SLC18A3: variants seen among roughly 807,000 people sequenced by gnomAD.
The protein encoded by SLC18A3 is solute carrier family 18 member A3.
Under a neutral mutation model 24.2 loss-of-function variants are expected in SLC18A3, and 18 were observed. The ratio of observed to expected loss-of-function variants is 0.74; its 90% confidence interval spans 0.51 to 1.10. The LOEUF (loss-of-function observed/expected upper bound fraction) is 1.10, where lower values mean the gene tolerates loss of function less well. Ranked by LOEUF, SLC18A3 falls within the 50% of genes least tolerant of loss-of-function variation. The probability of loss-of-function intolerance (pLI) is 0.00; values close to 1 mark genes in which losing one functional copy is unlikely to be tolerated. For missense variants in SLC18A3, 744 were observed against 750.7 expected (o/e 0.99, Z 0.10); for synonymous variants, 415 against 355.4 (o/e 1.17, Z -1.89).
At position 49,611,610 on chromosome 10, in the gene SLC18A3, C is replaced by T. The variant is rs768070437; in HGVS notation, c.870C>T (p.Tyr290=). The change falls in exon 1 of 1, where the codon TAC becomes TAT. Residue 290 remains tyrosine (Y), a synonymous_variant. Coordinates refer to ENST00000374115, the MANE Select transcript of SLC18A3 (RefSeq NM_003055.3). ...TPIHRLMLDP[Y]IAVVAGALTT... ...TCCACCGCCTCATGCTAGACCCCTA[C>T]ATTGCCGTGGTGGCCGGCGCGCTCA... is the stretch of plus-strand genomic sequence containing the variant. 1.9e-6 allele frequency: 3 copies of T among 1,611,194 alleles called. No homozygotes were observed. The highest frequency in any genetic ancestry group is 2.7e-5 in the African/African-American group (2 of 74,936).
In SLC18A3 at chr10:49,611,031, C is replaced by A. The variant is rs1209900185; in HGVS notation, c.291C>A (p.Thr97=). ...PANASAYTAN[T]SASPTAAWPA... ...ATGCCAGCGCCTACACGGCCAACAC[C>A]TCGGCGTCCCCGACAGCTGCGTGGC... Residue 97 remains threonine (T), a synonymous_variant, in exon 1 of 1, where the codon ACC becomes ACA. Coordinates refer to ENST00000374115, the MANE Select transcript of SLC18A3 (RefSeq NM_003055.3). 3 of 1,613,972 alleles carry A rather than the reference C, an allele frequency of 1.9e-6. No individual in the cohort carries two copies. The South Asian group carries it at 3.3e-5, about 18-fold the overall frequency.
At position 49,611,270 on chromosome 10, in the gene SLC18A3, C is replaced by T. The variant is rs144777033; in HGVS notation, c.530C>T (p.Thr177Met). Reference protein sequence around the residue: ...VLFAFAEDYATLFAARSLQGL... With the variant: ...VLFAFAEDYAMLFAARSLQGL... ...TTCGCCTTCGCCGAGGACTACGCCA[C>T]GCTGTTCGCGGCGCGCAGCCTGCAG... Residue 177 changes from threonine (T) to methionine (M), a missense_variant, in exon 1 of 1, where the codon ACG becomes ATG. This residue lies in a region of SLC18A3 where 566 missense variants were observed against 566.2 expected (regional missense o/e 1.00). Transcript: ENST00000374115. The T allele has an allele frequency of 2.5e-6, 4 of 1,611,810 alleles. No homozygotes were observed. The African/African-American group carries it at 4.0e-5, about 16-fold the overall frequency.
chr10:49,610,965 C>G lies in SLC18A3; in HGVS notation c.225C>G (p.Pro75=). Residue 75 remains proline (P), a synonymous_variant, in exon 1 of 1, where the codon CCC becomes CCG. Coordinates refer to ENST00000374115, the MANE Select transcript of SLC18A3 (RefSeq NM_003055.3). ...GCGGCGAGGGCCCCACCCGGACTCC[C>G]GAGGTGTGGGAGCCCACCCTGCCGC... ...RGGGEGPTRT[P]EVWEPTLPLP... 1.2e-6 allele frequency: 2 copies of G among 1,611,220 alleles called. No individual in the cohort carries two copies. The highest frequency in any genetic ancestry group is 1.7e-6 in the Non-Finnish European group (2 of 1,178,348).
Position 49,610,959 on chromosome 10 carries a change from G to T in SLC18A3, c.219G>T (p.Arg73=), listed in dbSNP as rs8178982. Residue 73 remains arginine (R), a synonymous_variant, in exon 1 of 1, where the codon CGG becomes CGT. Coordinates refer to ENST00000374115, the MANE Select transcript of SLC18A3 (RefSeq NM_003055.3). ...GCGGGGGCGGCGAGGGCCCCACCCG[G>T]ACTCCCGAGGTGTGGGAGCCCACCC... The part of the protein sequence containing the change: ...HMRGGGEGPT[R]TPEVWEPTLP... 1.6e-5 allele frequency: 26 copies of T among 1,610,590 alleles called. No homozygotes were observed. Among genetic ancestry groups the T allele is most frequent in the Non-Finnish European group, 2.1e-5 (25 of 1,177,990 alleles).
At position 49,611,495 on chromosome 10, in the gene SLC18A3, C is replaced by T; in HGVS notation, c.755C>T (p.Ser252Leu). 6.2e-7 allele frequency: 1 copy of T among 1,600,310 alleles called. No homozygotes were observed. The highest frequency in any genetic ancestry group is 8.5e-7 in the Non-Finnish European group (1 of 1,179,838). Reference sequence around the variant, plus strand: ...CCCTTCTTGGTGCTAGCTGCCGTGTCGCTCTTTGACGCGCTGTTGCTGCTG... The same window carrying T: ...CCCTTCTTGGTGCTAGCTGCCGTGTTGCTCTTTGACGCGCTGTTGCTGCTG... Reference protein sequence around the residue: ...RVPFLVLAAVSLFDALLLLAV... With the variant: ...RVPFLVLAAVLLFDALLLLAV... Residue 252 changes from serine to leucine, a missense_variant, in exon 1 of 1, where the codon TCG becomes TTG. By Grantham distance (145) the Ser-to-Leu change is moderately radical. This residue lies in a region of SLC18A3 where 566 missense variants were observed against 566.2 expected (regional missense o/e 1.00). Coordinates refer to ENST00000374115, the MANE Select transcript of SLC18A3 (RefSeq NM_003055.3).
Position 49,611,537 on chromosome 10 carries a change from T to C in SLC18A3, c.797T>C (p.Phe266Ser), listed in dbSNP as rs1158060417. ...ALLLLAVAKP[F>S]SAAARARANL... ...TTGCTGCTGGCAGTGGCCAAACCCT[T>C]CTCGGCGGCTGCACGGGCTCGGGCC... The change falls in exon 1 of 1, where the codon TTC (phenylalanine) becomes TCC (serine). Residue 266 changes from phenylalanine (F) to serine (S), a missense_variant. This residue lies in a region of SLC18A3 where 566 missense variants were observed against 566.2 expected (regional missense o/e 1.00). Coordinates refer to ENST00000374115, the MANE Select transcript of SLC18A3 (RefSeq NM_003055.3). 1 of 1,602,602 alleles carries C rather than the reference T, an allele frequency of 6.2e-7. No homozygotes were observed. Among genetic ancestry groups the C allele is most frequent in the African/African-American group, 1.3e-5 (1 of 75,044 alleles).
At position 49,611,722 on chromosome 10, in the gene SLC18A3, G is replaced by A. The variant is rs1432266848; in HGVS notation, c.982G>A (p.Gly328Ser). The A allele has an allele frequency of 1.9e-6, 3 of 1,606,586 alleles. No homozygotes were observed. Among genetic ancestry groups the A allele is most frequent in the East Asian group, 2.2e-5 (1 of 44,854 alleles). The stretch of plus-strand genomic sequence containing the variant: ...GATGGCGGCTTCCGAGTGGGAGATG[G>A]GCATGGCCTGGCTGCCGGCCTTCGT... ...HTMAASEWEM[G>S]MAWLPAFVPH... Residue 328 changes from glycine to serine, a missense_variant, in exon 1 of 1, where the codon GGC (glycine) becomes AGC (serine). Around this residue, in one of 3 missense-constraint regions of SLC18A3, gnomAD observed 566 missense variants for 566.2 expected, o/e 1.00. Transcript: ENST00000374115.
Position 49,610,395 on chromosome 10 carries a change from A to G in SLC18A3, c.-346A>G, listed in dbSNP as rs904567913. Reference sequence around the variant, plus strand: ...GGCGGCAACAGCATGTCCCTCGGCCAGCGCGGGCGGCCTCTTAGCGCGGCG... The same window carrying G: ...GGCGGCAACAGCATGTCCCTCGGCCGGCGCGGGCGGCCTCTTAGCGCGGCG... On this transcript the variant is annotated 5_prime_UTR_variant, in exon 1 of 1. Coordinates refer to ENST00000374115, the MANE Select transcript of SLC18A3 (RefSeq NM_003055.3). The G allele has an allele frequency of 3.1e-5, 8 of 260,294 alleles. 1 individual carries two copies. The highest frequency in any genetic ancestry group is 7.3e-6 in the Non-Finnish European group (1 of 137,636). 16.1% of individuals were successfully genotyped at this position (260,294 alleles called of 1,614,324 possible).
rs767893158 is a variant in SLC18A3, at chr10:49,611,683, T to C, written c.943T>C (p.Trp315Arg). ...LAFLEPTIAT[W>R]MKHTMAASEW... is the part of the protein sequence containing the mutation. Reference sequence around the variant, plus strand: ...CTTCCTCGAACCCACCATTGCCACGTGGATGAAGCATACGATGGCGGCTTC... The same window carrying C: ...CTTCCTCGAACCCACCATTGCCACGCGGATGAAGCATACGATGGCGGCTTC... The change falls in exon 1 of 1, where the codon TGG becomes CGG. Residue 315 changes from tryptophan (W) to arginine (R), a missense_variant. Trp to Arg is a moderately radical substitution (Grantham distance 101). Transcript: ENST00000374115. The C allele has an allele frequency of 4.3e-6, 7 of 1,610,754 alleles. No individual in the cohort carries two copies. The Admixed American group carries it at 6.7e-5, about 15-fold the overall frequency.
rs768466496 is a variant in SLC18A3, at chr10:49,612,671, C to T, written c.*332C>T. ...TGCTCCCAGTGCCAAACTTGGGCCGCTGCACCGCGGCGCCTCCGCCCAAAT... is the reference window on the plus strand; with the variant it reads ...TGCTCCCAGTGCCAAACTTGGGCCGTTGCACCGCGGCGCCTCCGCCCAAAT... On this transcript the variant is annotated 3_prime_UTR_variant, in exon 1 of 1. Coordinates refer to ENST00000374115, the MANE Select transcript of SLC18A3 (RefSeq NM_003055.3). The T allele has an allele frequency of 1.3e-5, 4 of 318,300 alleles. No homozygotes were observed. Among genetic ancestry groups the T allele is most frequent in the African/African-American group, 2.1e-5 (1 of 46,554 alleles). 19.7% of individuals were successfully genotyped at this position (318,300 alleles called of 1,614,324 possible).
rs748705960 is a variant in SLC18A3 at position 49,612,042 on chromosome 10, C to G, written c.1302C>G (p.Leu434=). The change falls in exon 1 of 1, where the codon CTC becomes CTG. Residue 434 remains leucine (L), a synonymous_variant. Coordinates refer to ENST00000374115, the MANE Select transcript of SLC18A3 (RefSeq NM_003055.3). ...TCTCCTATTCGGTGGCCTACGCGCT[C>G]GGGCCCATAGTGGCAGGCCACATTG... is the stretch of plus-strand genomic sequence containing the variant. The part of the protein sequence containing the change: ...ADISYSVAYA[L]GPIVAGHIVH... 5.6e-6 allele frequency: 9 copies of G among 1,613,650 alleles called. No homozygotes were observed. Among genetic ancestry groups the G allele is most frequent in the Admixed American group, 1.7e-5 (1 of 60,010 alleles).
chr10:49,610,908 A>T lies in SLC18A3; in HGVS notation c.168A>T (p.Ile56=). The T allele has an allele frequency of 6.2e-7, 1 of 1,612,428 alleles. No individual in the cohort carries two copies. Among genetic ancestry groups the T allele is most frequent in the African/African-American group, 1.3e-5 (1 of 74,998 alleles). The change falls in exon 1 of 1, where the codon ATA becomes ATT. Residue 56 remains isoleucine (I), a synonymous_variant. Transcript: ENST00000374115. ...DNMLYMVIVP[I]VPDYIAHMRG... is the part of the protein sequence containing the mutation. ...TGCTGTACATGGTCATCGTGCCCAT[A>T]GTGCCCGACTACATCGCCCACATGC...
rs768089288 is a variant in SLC18A3 at position 49,611,496 on chromosome 10, G to T, written c.756G>T (p.Ser252=). 2 of 1,600,226 alleles carry T rather than the reference G, an allele frequency of 1.2e-6. No individual in the cohort carries two copies. Among genetic ancestry groups the T allele is most frequent in the Non-Finnish European group, 8.5e-7 (1 of 1,179,864 alleles). Residue 252 remains serine, a synonymous_variant, in exon 1 of 1, where the codon TCG becomes TCT. Transcript: ENST00000374115. ...CCTTCTTGGTGCTAGCTGCCGTGTCGCTCTTTGACGCGCTGTTGCTGCTGG... is the reference window on the plus strand; with the variant it reads ...CCTTCTTGGTGCTAGCTGCCGTGTCTCTCTTTGACGCGCTGTTGCTGCTGG... ...RVPFLVLAAV[S]LFDALLLLAV...
Position 49,611,845 on chromosome 10 carries a change from G to A in SLC18A3, c.1105G>A (p.Ala369Thr). 6.2e-7 allele frequency: 1 copy of A among 1,604,780 alleles called. No individual in the cohort carries two copies. ...CGCGCTTGGGCTGGCTGTGATCGGC[G>A]CCAGCTCGTGCATCGTGCCCGCCTG... ...YGALGLAVIG[A>T]SSCIVPACRS... The change falls in exon 1 of 1, where the codon GCC becomes ACC. Residue 369 changes from alanine to threonine, a missense_variant. This residue lies in a region of SLC18A3 where 566 missense variants were observed against 566.2 expected (regional missense o/e 1.00). Coordinates refer to ENST00000374115, the MANE Select transcript of SLC18A3 (RefSeq NM_003055.3).
Position 49,611,692 on chromosome 10 carries a change from C to T in SLC18A3, c.952C>T (p.His318Tyr). Reference sequence around the variant, plus strand: ...ACCCACCATTGCCACGTGGATGAAGCATACGATGGCGGCTTCCGAGTGGGA... The same window carrying T: ...ACCCACCATTGCCACGTGGATGAAGTATACGATGGCGGCTTCCGAGTGGGA... ...LEPTIATWMK[H>Y]TMAASEWEMG... Residue 318 changes from histidine to tyrosine, a missense_variant, in exon 1 of 1, where the codon CAT becomes TAT. Physicochemically the swap from His to Tyr is moderately conservative, Grantham distance 83. This residue lies in a region of SLC18A3 where 566 missense variants were observed against 566.2 expected (regional missense o/e 1.00). Coordinates refer to ENST00000374115, the MANE Select transcript of SLC18A3 (RefSeq NM_003055.3). The T allele has an allele frequency of 6.2e-7, 1 of 1,609,892 alleles. No individual in the cohort carries two copies. The highest frequency in any genetic ancestry group is 8.5e-7 in the Non-Finnish European group (1 of 1,179,970).
At position 49,610,817 on chromosome 10, in the gene SLC18A3, A is replaced by G. The variant is rs769325527; in HGVS notation, c.77A>G (p.Gln26Arg). 1 of 1,603,120 alleles carries G rather than the reference A, an allele frequency of 6.2e-7. No homozygotes were observed. The highest frequency in any genetic ancestry group is 8.5e-7 in the Non-Finnish European group (1 of 1,175,226). Residue 26 changes from glutamine (Q) to arginine (R), a missense_variant, in exon 1 of 1, where the codon CAG (glutamine) becomes CGG (arginine). By Grantham distance (43) the Gln-to-Arg change is conservative. Transcript: ENST00000374115. ...TCGGAGGCTGTGGGCGCGGCGCTGC[A>G]GGAGCCCCGGCGGCAGAGGCGCCTG... ...KLSEAVGAAL[Q>R]EPRRQRRLVL...
rs374160245 is a variant in SLC18A3 at position 49,611,363 on chromosome 10, C to A, written c.623C>A (p.Pro208Gln). The A allele has an allele frequency of 1.2e-6, 2 of 1,600,202 alleles. No individual in the cohort carries two copies. Among genetic ancestry groups the A allele is most frequent in the East Asian group, 2.2e-5 (1 of 44,850 alleles). The change falls in exon 1 of 1, where the codon CCG becomes CAG. Residue 208 changes from proline to glutamine, a missense_variant. This residue lies in a region of SLC18A3 where 566 missense variants were observed against 566.2 expected (regional missense o/e 1.00). Coordinates refer to ENST00000374115, the MANE Select transcript of SLC18A3 (RefSeq NM_003055.3). ...AMIADKYPEEPERSRALGVAL... is the reference protein window; with the variant it reads ...AMIADKYPEEQERSRALGVAL... ...ATCGCCGATAAGTACCCGGAGGAGCCGGAGCGCAGTCGTGCACTGGGCGTG... is the reference window on the plus strand; with the variant it reads ...ATCGCCGATAAGTACCCGGAGGAGCAGGAGCGCAGTCGTGCACTGGGCGTG...
chr10:49,611,043 G>A lies in SLC18A3; in HGVS notation c.303G>A (p.Pro101=). ...ACACGGCCAACACCTCGGCGTCCCC[G>A]ACAGCTGCGTGGCCAGCGGGCTCAG... The part of the protein sequence containing the change: ...SAYTANTSAS[P]TAAWPAGSAL... Residue 101 remains proline, a synonymous_variant, in exon 1 of 1, where the codon CCG becomes CCA. Coordinates refer to ENST00000374115, the MANE Select transcript of SLC18A3 (RefSeq NM_003055.3). 3 of 1,614,004 alleles carry A rather than the reference G, an allele frequency of 1.9e-6. No individual in the cohort carries two copies. Among genetic ancestry groups the A allele is most frequent in the Admixed American group, 1.7e-5 (1 of 60,032 alleles).
At position 49,611,288 on chromosome 10, in the gene SLC18A3, G is replaced by T; in HGVS notation, c.548G>T (p.Ser183Ile). ...TACGCCACGCTGTTCGCGGCGCGCA[G>T]CCTGCAGGGCCTGGGCTCAGCCTTC... ...EDYATLFAAR[S>I]LQGLGSAFAD... The change falls in exon 1 of 1, where the codon AGC (serine) becomes ATC (isoleucine). Residue 183 changes from serine (S) to isoleucine (I), a missense_variant. Transcript: ENST00000374115. 1 of 1,609,182 alleles carries T rather than the reference G, an allele frequency of 6.2e-7. No individual in the cohort carries two copies.
Sources: allele counts gnomAD v4.1 joint callset, GRCh38; gene constraint gnomAD v4.1.1; regional missense constraint gnomAD v4.1.1; transcripts MANE v1.5; gene names NCBI Gene and HGNC (gene_info 2026-07-23, HGNC 2026-07-21).